Variants in LRP2 observed in about 807,000 individuals in gnomAD.
The protein encoded by LRP2 is LDL receptor related protein 2, also known as low-density lipoprotein receptor-related protein 2.
In LRP2, 172 loss-of-function variants were observed where a neutral mutation model predicts 531.0. That is an observed-to-expected ratio of 0.32 (90% CI 0.29 to 0.37). The LOEUF is 0.37. Ranked by LOEUF, LRP2 falls within the 10% of genes least tolerant of loss-of-function variation. The pLI is 1.00. For missense variants in LRP2, 5,167 were observed against 5,868.3 expected, an observed-to-expected ratio of 0.88 and a Z score of 3.90; for synonymous variants, 1,992 against 2,027.6, an observed-to-expected ratio of 0.98 and a Z score of 0.47.
intron 3 of LRP2, among the ~76,000 whole-genome samples, chr2:169,309,317 G>A (rs1684522868): frequency 6.6e-6 from 1 of 152,132 alleles, no homozygotes; most frequent in African/African-American, 2.4e-5. Flanking sequence ...GTCCTGAATG[G>A]TATTGCCTAG....
chr2:169,168,802 A>G, intron 60 of LRP2, 126 bp from the exon 61 acceptor site: 2 of 1,060,578 alleles, frequency 1.9e-6, no homozygotes, highest in Admixed American at 3.9e-5. Flanking sequence ...CAAGATGTAT[A>G]GTGGCCTTGA....
intron 1 of LRP2, among the ~76,000 whole-genome samples, chr2:169,338,363 A>G (rs577078005): frequency 1.8e-4 from 17 of 95,142 alleles, no homozygotes; most frequent in African/African-American, 6.8e-4. Context: ...AAAGAAGGAA[A>G]GAAAGAAAGA....
intron 31 of LRP2, among the ~76,000 whole-genome samples, chr2:169,228,915 A>G (rs1427420187): frequency 6.6e-6 from 1 of 152,240 alleles, no homozygotes; most frequent in Non-Finnish European, 1.5e-5. Context: ...ACAACACTGC[A>G]CACATTTCTA....
rs1689797256 is a variant in LRP2, at chr2:169,241,352, A to G, written c.3681T>C (p.Pro1227=). The change falls in exon 25 of 79, where the codon CCT becomes CCC. Residue 1227 remains proline (P), a synonymous_variant. Coordinates refer to ENST00000649046, the MANE Select transcript of LRP2 (RefSeq NM_004525.3). ...GAAATTCATCTGAGTGGCACATACC[A>G]GGAGGCCTGGTTGCTAGAAGGAAAA... ...SDEAGCPTRP[P]GMCHSDEFQC... is the part of the protein sequence containing the mutation. 6.2e-7 allele frequency: 1 copy of G among 1,614,194 alleles called. No individual in the cohort carries two copies. Among genetic ancestry groups the G allele is most frequent in the Non-Finnish European group, 8.5e-7 (1 of 1,180,022 alleles).
chr2:169,143,710 T>C (rs1685811905), intron 70 of LRP2, among the ~76,000 whole-genome samples: 1 of 152,182 alleles, frequency 6.6e-6, no homozygotes, highest in African/African-American at 2.4e-5. Context: ...CAGATTTGAA[T>C]TGGTCTGGGG....
chr2:169,167,435 C>T (rs1414706642), intron 61 of LRP2, among the ~76,000 whole-genome samples: 1 of 152,176 alleles, frequency 6.6e-6, no homozygotes, highest in Non-Finnish European at 1.5e-5. Flanking sequence ...CAGGTCTTGT[C>T]TCCTAGGTTA....
chr2:169,306,194 G>A (rs2105490415), intron 4 of LRP2, among the ~76,000 whole-genome samples: 1 of 151,820 alleles, frequency 6.6e-6, no homozygotes, highest in South Asian at 2.1e-4. Flanking sequence ...AAAACTCAAG[G>A]AACTTCTGGA....
intron 3 of LRP2, among the ~76,000 whole-genome samples, chr2:169,308,051 G>T (rs533929938): frequency 1.1e-4 from 16 of 152,066 alleles, no homozygotes; most frequent in Admixed American, 3.3e-4. Flanking sequence ...TAAATCTGAG[G>T]CAGGAATTAC....
In LRP2 at chr2:169,231,738, G is replaced by C; in HGVS notation, c.5203C>G (p.Pro1735Ala). ...CVCPSGWSLSPDLLNCLRDDQ... is the reference protein window; with the variant it reads ...CVCPSGWSLSADLLNCLRDDQ... Reference sequence around the variant, plus strand: ...CCTCTCAAGCAATTCAGGAGATCAGGAGACAGACTCCATCCTGAAGGACAA... The same window carrying C: ...CCTCTCAAGCAATTCAGGAGATCAGCAGACAGACTCCATCCTGAAGGACAA... Residue 1735 changes from proline to alanine, a missense_variant, in exon 31 of 79, where the codon CCT becomes GCT. Around this residue, in one of 6 missense-constraint regions of LRP2, gnomAD observed 2,811 missense variants for 3,058.0 expected, o/e 0.92. Transcript: ENST00000649046. The C allele has an allele frequency of 1.2e-6, 2 of 1,614,058 alleles. No individual in the cohort carries two copies. Among genetic ancestry groups the C allele is most frequent in the Non-Finnish European group, 1.7e-6 (2 of 1,179,970 alleles).
intron 51 of LRP2, 53 bp downstream of exon 51, chr2:169,182,114 A>T: frequency 1.2e-6 from 2 of 1,607,630 alleles, no homozygotes; most frequent in Non-Finnish European, 1.7e-6. Context: ...TCTCGGTAAC[A>T]GAGGCAGAAG....
chr2:169,279,703 C>T lies in LRP2; in HGVS notation c.1342-108G>A, dbSNP rs185926272. On this transcript the variant is annotated intron_variant, in intron 11 of 78. Transcript: ENST00000649046. The stretch of plus-strand genomic sequence containing the variant: ...ATCAGAAGTGCTAAAAATCTAAATT[C>T]TCAATTTTCAGAAATTTCATGCAAG... 545 of 684,368 alleles carry T rather than the reference C, an allele frequency of 8.0e-4. 1 individual carries two copies. The highest frequency in any genetic ancestry group is 1.1e-3 in the Non-Finnish European group (445 of 398,810). 42.4% of individuals were successfully genotyped at this position (684,368 alleles called of 1,614,324 possible).
At chr2:169,233,033 A>G (rs976002788) in intron 30 of LRP2, among the ~76,000 whole-genome samples, 2 of 152,214 alleles carry the variant, frequency 1.3e-5, no homozygotes, top group African/African-American at 2.4e-5. Flanking sequence ...CAGTGGTGCC[A>G]TAATAAACTA....
intron 16 of LRP2, 134 bp from the exon 17 acceptor site, chr2:169,259,351 A>T (rs1574189504): frequency 3.2e-6 from 2 of 617,146 alleles, no homozygotes; most frequent in African/African-American, 1.9e-5. Context: ...TCTTTAAAAA[A>T]AAAAAAAAAA....
At chr2:169,132,545 A>T in intron 77 of LRP2, 29 bp downstream of exon 77, 1 of 1,323,342 alleles carries the variant, frequency 7.6e-7, no homozygotes, top group Non-Finnish European at 1.1e-6. Context: ...TCCAAATCCC[A>T]CATTATTTCA....
In LRP2 at chr2:169,307,193, T is replaced by C. The variant is rs16856796; in HGVS notation, c.427+88A>G. ...ACAAGAGGCATATTGTAGGCATTTATGTCCATCAACAAATCTAACAAATTG... is the reference window on the plus strand; with the variant it reads ...ACAAGAGGCATATTGTAGGCATTTACGTCCATCAACAAATCTAACAAATTG... On this transcript the variant is annotated intron_variant, in intron 4 of 78. Coordinates refer to ENST00000649046, the MANE Select transcript of LRP2 (RefSeq NM_004525.3). The C allele has an allele frequency of 0.01, 9,236 of 886,392 alleles. 506 individuals carry two copies. The African/African-American group carries it at 0.13, about 12-fold the overall frequency. 54.9% of individuals were successfully genotyped at this position (886,392 alleles called of 1,614,324 possible).
chr2:169,320,786 T>A lies in LRP2; in HGVS notation c.178A>T (p.Ile60Phe). Residue 60 changes from isoleucine to phenylalanine, a missense_variant, in exon 2 of 79, where the codon ATT becomes TTT. Physicochemically the swap from Ile to Phe is conservative, Grantham distance 21 (BLOSUM62 0). Transcript: ENST00000649046. Reference protein sequence around the residue: ...TKDCSDDADEIGCAVVTCQQG... With the variant: ...TKDCSDDADEFGCAVVTCQQG... ...GCCCCTCCTCACTTACCGCAGCCAA[T>A]TTCATCCGCGTCATCTGAACAGTCT... 1 of 1,614,036 alleles carries A rather than the reference T, an allele frequency of 6.2e-7. No homozygotes were observed. Among genetic ancestry groups the A allele is most frequent in the Non-Finnish European group, 8.5e-7 (1 of 1,179,896 alleles).
chr2:169,241,415 C>T, intron 24 of LRP2, 50 bp from the exon 25 acceptor site: 1 of 1,603,316 alleles, frequency 6.2e-7, no homozygotes, highest in Non-Finnish European at 8.5e-7. Flanking sequence ...ATTTGTGATC[C>T]CTTTTATAGT....
At position 169,182,277 on chromosome 2, in the gene LRP2, G is replaced by A. The variant is rs1247394189; in HGVS notation, c.9888C>T (p.Val3296=). The change falls in exon 51 of 79, where the codon GTC becomes GTT. Residue 3296 remains valine, a synonymous_variant. Transcript: ENST00000649046. The stretch of plus-strand genomic sequence containing the variant: ...GGCGGTGTCCACCATTGAGGTCAGA[G>A]ACAAAGAGGCCATCCAGGCGGGCAT... ...WLDARLDGLF[V]SDLNGGHRRM... The A allele has an allele frequency of 3.1e-6, 5 of 1,613,946 alleles. No individual in the cohort carries two copies. Among genetic ancestry groups the A allele is most frequent in the Admixed American group, 1.7e-5 (1 of 59,992 alleles).
intron 9 of LRP2, among the ~76,000 whole-genome samples, chr2:169,284,431 A>G (rs549818529): frequency 1.0e-4 from 15 of 150,572 alleles, no homozygotes; most frequent in Non-Finnish European, 1.9e-4. Context: ...CACCTGGCTA[A>G]TATTTTTGTA....
Sources: allele counts gnomAD v4.1 joint callset (sites outside exome capture counted in the v4.1 genomes callset), GRCh38; gene constraint gnomAD v4.1.1; regional missense constraint gnomAD v4.1.1; transcripts MANE v1.5; gene names NCBI Gene and HGNC (gene_info 2026-07-23, HGNC 2026-07-21).